The following GAGE10 variants were observed in gnomAD, a reference collection of about 807,000 sequenced individuals.
GAGE10 encodes the protein G antigen 10.
A neutral mutation model predicts 11.5 loss-of-function variants in GAGE10; 9 were observed. The observed-to-expected ratio is 0.78, with a 90% confidence interval of 0.47 to 1.37. GAGE10 has a LOEUF of 1.37. Ranked by LOEUF, GAGE10 falls within the 40% of genes most tolerant of loss-of-function variation. The probability of loss-of-function intolerance (pLI) is 0.00; values close to 1 mark genes in which losing one functional copy is unlikely to be tolerated. For missense variants in GAGE10, 83 were observed against 92.9 expected (o/e 0.89, Z 0.44); for synonymous variants, 23 against 29.7 (o/e 0.77, Z 0.73).
intron 3 of GAGE10, among the ~76,000 whole-genome samples, chrX:49,316,493 T>C (rs1557125241): frequency 9.0e-6 from 1 of 111,424 alleles, no homozygotes; most frequent in East Asian, 2.8e-4. Context: ...AAATAATTCC[T>C]CCTCAACCCC....
intron 3 of GAGE10, among the ~76,000 whole-genome samples, chrX:49,316,105 T>A (rs2066390702): frequency 1.8e-5 from 2 of 111,689 alleles, no homozygotes; most frequent in Admixed American, 1.9e-4. Context: ...ACTCAGTTGT[T>A]TGTAAGAAAA....
At chrX:49,304,311 C>T (rs782436482) in intron 1 of GAGE10, among the ~76,000 whole-genome samples, 49 of 112,587 alleles carry the variant, frequency 4.4e-4, no homozygotes, top group African/African-American at 1.5e-3. Flanking sequence ...AGAGGCTGTG[C>T]GGTCCAATCA....
chrX:49,308,169 G>A (rs1359861568), intron 3 of GAGE10, among the ~76,000 whole-genome samples: 1 of 112,624 alleles, frequency 8.9e-6, no homozygotes, highest in Non-Finnish European at 1.9e-5. Flanking sequence ...TTGGGGCTCA[G>A]TCCTTTGGAT....
chrX:49,304,573 T>A (rs782573036), intron 1 of GAGE10, among the ~76,000 whole-genome samples: 2,016 of 112,065 alleles, frequency 0.018, 47 homozygotes, highest in African/African-American at 0.063. Flanking sequence ...CGCTGCACTC[T>A]GCCAGAGCAA....
intron 3 of GAGE10, among the ~76,000 whole-genome samples, chrX:49,311,070 G>A (rs1383702711): frequency 5.4e-5 from 6 of 110,874 alleles, no homozygotes; most frequent in Non-Finnish European, 1.1e-4. Context: ...ACCGGAGCCA[G>A]ACCTACACAA....
chrX:49,308,260 C>A (rs868970664), intron 3 of GAGE10, among the ~76,000 whole-genome samples: 28 of 112,187 alleles, frequency 2.5e-4, no homozygotes, highest in South Asian at 1.8e-3. Flanking sequence ...CCTTAATTAT[C>A]CTGCAGCATT....
In GAGE10 at chrX:49,317,188, G is replaced by A. The variant is rs1557125349; in HGVS notation, c.228G>A (p.Gln76=). The A allele has an allele frequency of 2.5e-6, 3 of 1,206,573 alleles. No homozygotes were observed. The highest frequency in any genetic ancestry group is 3.0e-5 in the East Asian group (1 of 33,707). Residue 76 remains glutamine, a synonymous_variant, in exon 4 of 5, where the codon CAG becomes CAA. Coordinates refer to ENST00000407599, the MANE Select transcript of GAGE10 (RefSeq NM_001098413.4). Reference sequence around the variant, plus strand: ...GGCCGAAGCCTGAAGCTGATAGCCAGGAACAGGTTCACCCAAAGACTGGGT... The same window carrying A: ...GGCCGAAGCCTGAAGCTGATAGCCAAGAACAGGTTCACCCAAAGACTGGGT... ...GQGPKPEADS[Q]EQVHPKTGCE...
intron 3 of GAGE10, among the ~76,000 whole-genome samples, chrX:49,308,951 C>T (rs781914354): frequency 6.2e-5 from 7 of 112,108 alleles, no homozygotes; most frequent in African/African-American, 9.7e-5. Context: ...GTGAAAGAGA[C>T]GGTCTCGGGA....
intron 3 of GAGE10, among the ~76,000 whole-genome samples, chrX:49,308,160 TG>T (rs2066363865): frequency 8.9e-6 from 1 of 112,786 alleles, no homozygotes; most frequent in African/African-American, 3.2e-5. Context: ...ACTCTTTGTT[TG>T]GGGCTCAGTC....
rs782193415 is a variant in GAGE10, at chrX:49,317,201, C to T, written c.241C>T (p.Pro81Ser). 1 of 1,206,620 alleles carries T rather than the reference C, an allele frequency of 8.3e-7. No homozygotes were observed. The highest frequency in any genetic ancestry group is 1.1e-6 in the Non-Finnish European group (1 of 892,230). The change falls in exon 4 of 5, where the codon CCA becomes TCA. Residue 81 changes from proline (P) to serine (S), a missense_variant. Transcript: ENST00000407599. ...PEADSQEQVH[P>S]KTGCECGDGP... Reference sequence around the variant, plus strand: ...AGCTGATAGCCAGGAACAGGTTCACCCAAAGACTGGGTGTGAGTGTGGAGA... The same window carrying T: ...AGCTGATAGCCAGGAACAGGTTCACTCAAAGACTGGGTGTGAGTGTGGAGA...
At position 49,307,938 on chromosome X, in the gene GAGE10, C is replaced by T. The variant is rs782781949; in HGVS notation, c.202+2414C>T. On this transcript the variant is annotated intron_variant, in intron 3 of 4. Transcript: ENST00000407599. Reference sequence around the variant, plus strand: ...CTAGTGAGTCTTATCTCTCCCTTTCCGAGGCATTGTGAAGACCCTGTTTCT... The same window carrying T: ...CTAGTGAGTCTTATCTCTCCCTTTCTGAGGCATTGTGAAGACCCTGTTTCT... Among the ~76,000 whole-genome samples the T allele has an allele frequency of 2.5e-4, 28 of 112,341 alleles. 1 individual carries two copies. In the South Asian group the frequency reaches 2.6e-3, roughly 10 times the overall value.
intron 3 of GAGE10, among the ~76,000 whole-genome samples, chrX:49,306,991 G>A (rs2066359430): frequency 9.0e-6 from 1 of 111,172 alleles, no homozygotes; most frequent in Non-Finnish European, 1.9e-5. Flanking sequence ...TTTAGAATAT[G>A]TGTATTTTTT....
chrX:49,308,153 CTTTG>C (rs782497926), intron 3 of GAGE10, among the ~76,000 whole-genome samples: 2 of 112,795 alleles, frequency 1.8e-5, no homozygotes, highest in South Asian at 3.6e-4. Context: ...TAGCTTGACT[CTTTG>C]TTTGGGGCTC....
intron 3 of GAGE10, among the ~76,000 whole-genome samples, chrX:49,311,921 T>C (rs150837325): frequency 1.7e-4 from 19 of 112,642 alleles, no homozygotes; most frequent in African/African-American, 6.1e-4. Context: ...CCACACGCTA[T>C]AGTCACCTTA....
intron 4 of GAGE10, among the ~76,000 whole-genome samples, chrX:49,317,567 C>T (rs1473968579): frequency 9.0e-5 from 10 of 111,264 alleles, no homozygotes; most frequent in Non-Finnish European, 1.7e-4. Context: ...AGGTTGTTCC[C>T]GAACTCCTGA....
At chrX:49,314,569 A>T (rs1557125025) in intron 3 of GAGE10, among the ~76,000 whole-genome samples, 1 of 112,730 alleles carries the variant, frequency 8.9e-6, no homozygotes, top group Non-Finnish European at 1.9e-5. Context: ...GCACTATTAC[A>T]GGTAAACAGA....
chrX:49,306,895 G>A (rs1242746498), intron 3 of GAGE10, among the ~76,000 whole-genome samples: 1 of 111,706 alleles, frequency 9.0e-6, no homozygotes, highest in African/African-American at 3.3e-5. Context: ...AAACACAGAT[G>A]CAAAGTTTGT....
At chrX:49,307,025 G>A (rs2066359608) in intron 3 of GAGE10, among the ~76,000 whole-genome samples, 2 of 111,444 alleles carry the variant, frequency 1.8e-5, no homozygotes, top group African/African-American at 6.5e-5. Context: ...AAAACCTCCT[G>A]TCTTCCTAAA....
At chrX:49,316,124 C>T (rs1453904710) in intron 3 of GAGE10, among the ~76,000 whole-genome samples, 5 of 111,724 alleles carry the variant, frequency 4.5e-5, no homozygotes, top group African/African-American at 6.5e-5. Flanking sequence ...AACCCAACTC[C>T]CCCTGAGGAA....
Sources: allele counts gnomAD v4.1 joint callset (sites outside exome capture counted in the v4.1 genomes callset), GRCh38; gene constraint gnomAD v4.1.1; transcripts MANE v1.5; gene names NCBI Gene and HGNC (gene_info 2026-07-23, HGNC 2026-07-21).